SLC24A1: variants seen among roughly 807,000 people sequenced by gnomAD.
SLC24A1 encodes the protein sodium/potassium/calcium exchanger 1.
In SLC24A1, 52 loss-of-function variants were observed where a neutral mutation model predicts 88.1. That is an observed-to-expected ratio of 0.59 (90% CI 0.47 to 0.74). The LOEUF (loss-of-function observed/expected upper bound fraction) is 0.74, where lower values mean the gene tolerates loss of function less well. Among genes scored for constraint, SLC24A1 ranks in the 30% least tolerant of loss-of-function variants. The pLI is 0.00. For synonymous variants in SLC24A1, 455 were observed against 498.0 expected (o/e 0.91, Z 1.15); for missense variants, 1,173 against 1,363.3 (o/e 0.86, Z 2.20).
chr15:65,651,647 G>T, intron 7 of SLC24A1, 23 bp from the exon 8 acceptor site: 1 of 1,314,996 alleles, frequency 7.6e-7, no homozygotes, highest in Non-Finnish European at 1.1e-6. Flanking sequence ...CTTACTTCTT[G>T]TCCTTTTCAA....
chr15:65,622,516 C>G (rs1013077482), intron 1 of SLC24A1, among the ~76,000 whole-genome samples: 3 of 152,168 alleles, frequency 2.0e-5, no homozygotes, highest in African/African-American at 7.2e-5. Context: ...TTGTACCAGA[C>G]AGATTCCATG....
Position 65,643,355 on chromosome 15 carries a change from T to G in SLC24A1, c.2054-1072T>G, listed in dbSNP as rs561466650. ...GTTTTTATTTATTTTGTCTCATGGA[T>G]CCTCATCACATCAGTCCCCTGAGGA... On this transcript the variant is annotated intron_variant, in intron 4 of 9. Coordinates refer to ENST00000261892, the MANE Select transcript of SLC24A1 (RefSeq NM_004727.3). Among the ~76,000 whole-genome samples, 34 of 152,330 alleles carry G rather than the reference T, an allele frequency of 2.2e-4. No homozygotes were observed. In the East Asian group the frequency reaches 3.9e-3, roughly 17 times the overall value.
chr15:65,659,949 A>G (rs1392938440), downstream of SLC24A1: 2 of 203,144 alleles, frequency 9.8e-6, no homozygotes, highest in South Asian at 1.4e-4. Flanking sequence ...AGTAAACAAC[A>G]ATGAAAGCTG....
Position 65,650,911 on chromosome 15 carries a change from T to TGCCCATC in SLC24A1, c.2763_2764insCCCATCG (p.Trp922ProfsTer15). 1 of 1,613,982 alleles carries TGCCCATC rather than the reference T, an allele frequency of 6.2e-7. No homozygotes were observed. The highest frequency in any genetic ancestry group is 2.2e-5 in the East Asian group (1 of 44,870). On this transcript the variant is annotated frameshift_variant, in exon 7 of 10. Coordinates refer to ENST00000261892, the MANE Select transcript of SLC24A1 (RefSeq NM_004727.3). LOFTEE classifies it high-confidence loss of function. This position sits in a 1 kb window ranked among gnomAD's most constrained non-coding sequence, Gnocchi z 4.1. ...TTCCTTCTGCCCATCGTGTTCCCAC[T>TGCCCATC]GTGGCTGACAGTCCCCGACGTCCGA...
chr15:65,631,213 A>G (rs2074712700), intron 2 of SLC24A1, among the ~76,000 whole-genome samples: 1 of 152,204 alleles, frequency 6.6e-6, no homozygotes, highest in African/African-American at 2.4e-5. Flanking sequence ...AGTGCATATG[A>G]TGGGATTCAA....
intron 7 of SLC24A1, 149 bp from the exon 8 acceptor site, chr15:65,651,521 G>GGA: frequency 3.3e-6 from 2 of 614,128 alleles, no homozygotes; most frequent in East Asian, 6.1e-5. Flanking sequence ...GGTCCTCCCT[G>GGA]GAGAGAGAGC....
Position 65,624,703 on chromosome 15 carries a change from T to A in SLC24A1, c.623T>A (p.Met208Lys). Residue 208 changes from methionine to lysine, a missense_variant, in exon 2 of 10, where the codon ATG becomes AAG. By Grantham distance (95) the Met-to-Lys change is moderately conservative (BLOSUM62 -1). Coordinates refer to ENST00000261892, the MANE Select transcript of SLC24A1 (RefSeq NM_004727.3). ...GTYVPSTFMT[M>K]ETSHAITPRT... The stretch of plus-strand genomic sequence containing the variant: ...TACGTGCCGTCCACATTCATGACAA[T>A]GGAAACAAGCCATGCGATCACCCCC... 1.9e-6 allele frequency: 3 copies of A among 1,609,342 alleles called. No homozygotes were observed. Among genetic ancestry groups the A allele is most frequent in the Non-Finnish European group, 2.5e-6 (3 of 1,177,694 alleles).
chr15:65,628,289 T>C (rs2074586995), intron 2 of SLC24A1, among the ~76,000 whole-genome samples: 1 of 152,144 alleles, frequency 6.6e-6, no homozygotes, highest in South Asian at 2.1e-4. Context: ...TCATCACCCC[T>C]TCAAGGATGC....
Position 65,623,967 on chromosome 15 carries a change from C to T in SLC24A1, c.-114C>T, listed in dbSNP as rs1001453560. On this transcript the variant is annotated 5_prime_UTR_variant, in exon 2 of 10. Transcript: ENST00000261892. ...TTTACCCACCTAGGGTTGTGGATAC[C>T]CCCTGGCTGGGCTTCATGGAGAAAT... 9.9e-6 allele frequency: 9 copies of T among 905,530 alleles called. No individual in the cohort carries two copies. Among genetic ancestry groups the T allele is most frequent in the African/African-American group, 3.3e-5 (2 of 59,978 alleles). The allele number at this position is 905,530 out of a possible 1,614,324, so 56.1% of individuals were successfully genotyped here.
chr15:65,655,296 A>G lies in SLC24A1; in HGVS notation c.*1217A>G, dbSNP rs2075643730. ...GGGACAATGCTATTTTTGTATGCCA[A>G]CCTAGATAGGATTATAAAGCAAGAC... On this transcript the variant is annotated 3_prime_UTR_variant, in exon 10 of 10. Coordinates refer to ENST00000261892, the MANE Select transcript of SLC24A1 (RefSeq NM_004727.3). 2 of 985,614 alleles carry G rather than the reference A, an allele frequency of 2.0e-6. No individual in the cohort carries two copies. Among genetic ancestry groups the G allele is most frequent in the African/African-American group, 3.5e-5 (2 of 57,374 alleles). The allele number at this position is 985,614 out of a possible 1,614,324, so 61.1% of individuals were successfully genotyped here. A position where few individuals can be genotyped will look rare whatever the true frequency, so the allele number is the denominator to read the frequency against.
In SLC24A1 at chr15:65,656,186, G is replaced by A; in HGVS notation, c.*2107G>A. On this transcript the variant is annotated 3_prime_UTR_variant, in exon 10 of 10. Coordinates refer to ENST00000261892, the MANE Select transcript of SLC24A1 (RefSeq NM_004727.3). ...TCCTCAGACTGGAGTAAGGAGTGATGGACCGTAAAATGCTGTGTAATGATA... is the reference window on the plus strand; with the variant it reads ...TCCTCAGACTGGAGTAAGGAGTGATAGACCGTAAAATGCTGTGTAATGATA... 1 of 985,080 alleles carries A rather than the reference G, an allele frequency of 1.0e-6. No homozygotes were observed. Among genetic ancestry groups the A allele is most frequent in the Non-Finnish European group, 1.2e-6 (1 of 829,676 alleles). 61.0% of individuals were successfully genotyped at this position (985,080 alleles called of 1,614,324 possible).
intron 8 of SLC24A1, 85 bp from the exon 9 acceptor site, chr15:65,652,557 A>T (rs1472814422): frequency 1.6e-6 from 2 of 1,281,550 alleles, no homozygotes; most frequent in Middle Eastern, 2.6e-4. Context: ...CTTAGAAGGC[A>T]GTCTGTTTGC....
At chr15:65,623,823 C>G (rs1400209853) in intron 1 of SLC24A1, 132 bp from the exon 2 acceptor site, 1 of 412,928 alleles carries the variant, frequency 2.4e-6, no homozygotes, top group Non-Finnish European at 4.3e-6. Context: ...GAGTAGTTTA[C>G]TCTTGCAAAG....
Position 65,650,653 on chromosome 15 carries a change from C to G in SLC24A1, c.2504C>G (p.Ala835Gly). Reference sequence around the variant, plus strand: ...GAAACTGAAAGCCAGGAACTCAGTGCTGAAAATCACGGTGAAGCCAAAAAT... The same window carrying G: ...GAAACTGAAAGCCAGGAACTCAGTGGTGAAAATCACGGTGAAGCCAAAAAT... ...EGETESQELS[A>G]ENHGEAKNDE... Residue 835 changes from alanine to glycine, a missense_variant, in exon 7 of 10, where the codon GCT becomes GGT. Physicochemically the swap from Ala to Gly is moderately conservative, Grantham distance 60 (BLOSUM62 0). Transcript: ENST00000261892. The surrounding 1 kb of genome is among the most constrained non-coding windows in gnomAD (Gnocchi z 4.1). The G allele has an allele frequency of 1.9e-6, 3 of 1,547,690 alleles. No individual in the cohort carries two copies. Among genetic ancestry groups the G allele is most frequent in the Non-Finnish European group, 2.6e-6 (3 of 1,144,468 alleles).
In SLC24A1 at chr15:65,625,513, T is replaced by G; in HGVS notation, c.1433T>G (p.Val478Gly). The G allele has an allele frequency of 6.2e-7, 1 of 1,614,042 alleles. No homozygotes were observed. Among genetic ancestry groups the G allele is most frequent in the Non-Finnish European group, 8.5e-7 (1 of 1,179,898 alleles). The change falls in exon 2 of 10, where the codon GTT becomes GGT. Residue 478 changes from valine (V) to glycine (G), a missense_variant. Val to Gly is a moderately radical substitution (Grantham distance 109). Transcript: ENST00000261892. Reference protein sequence around the residue: ...ALAIVCDEYFVPALGVITDKL... With the variant: ...ALAIVCDEYFGPALGVITDKL... ...GCCATTGTTTGCGACGAGTACTTCG[T>G]TCCAGCCCTGGGTGTCATCACAGAC...
chr15:65,660,917 G>A (rs1040075596), downstream of SLC24A1: 2 of 152,052 alleles, frequency 1.3e-5, no homozygotes, highest in Admixed American at 1.3e-4. Flanking sequence ...TAAAATAAGG[G>A]TAAAATTTGG....
intron 4 of SLC24A1, among the ~76,000 whole-genome samples, chr15:65,640,672 C>G (rs920641050): frequency 1.2e-4 from 18 of 152,174 alleles, no homozygotes; most frequent in African/African-American, 4.3e-4. Context: ...TCTGACTGAC[C>G]TTTCTGGCTC....
At chr15:65,652,089 C>A (rs1358088455) in intron 8 of SLC24A1, 1 of 375,616 alleles carries the variant, frequency 2.7e-6, no homozygotes, top group East Asian at 6.8e-5. Flanking sequence ...TTCTGAGAGC[C>A]AGCTTTTTTC....
chr15:65,655,616 C>A lies in SLC24A1; in HGVS notation c.*1537C>A. ...AGAGCAAAATGAGCTCGGGTGACTG[C>A]AGATTATGATGGTAAATATGGCTTT... On this transcript the variant is annotated 3_prime_UTR_variant, in exon 10 of 10. Coordinates refer to ENST00000261892, the MANE Select transcript of SLC24A1 (RefSeq NM_004727.3). The A allele has an allele frequency of 1.0e-6, 1 of 985,116 alleles. No individual in the cohort carries two copies. Among genetic ancestry groups the A allele is most frequent in the Non-Finnish European group, 1.2e-6 (1 of 829,814 alleles). 61.0% of individuals were successfully genotyped at this position (985,116 alleles called of 1,614,324 possible). A position where few individuals can be genotyped will look rare whatever the true frequency, so the allele number is the denominator to read the frequency against.
Sources: gnomAD v4.1 joint callset for allele counts (sites outside exome capture counted in the v4.1 genomes callset) on GRCh38, gnomAD v4.1.1 for gene constraint, Gnocchi (gnomAD v3.1) non-coding constraint, MANE v1.5 for transcripts, NCBI Gene and HGNC (gene_info 2026-07-23, HGNC 2026-07-21) for gene names.